Variants in ATP6V1A observed in about 807,000 individuals in gnomAD.
The protein encoded by ATP6V1A is ATPase H+ transporting V1 subunit A, also known as V-type proton ATPase catalytic subunit A.
A neutral mutation model predicts 70.1 loss-of-function variants in ATP6V1A; 18 were observed. The observed-to-expected ratio is 0.26, with a 90% confidence interval of 0.18 to 0.38. ATP6V1A has a LOEUF of 0.38. Among genes scored for constraint, ATP6V1A ranks in the 10% least tolerant of loss-of-function variants. ATP6V1A has a pLI of 1.00. For synonymous variants in ATP6V1A, 232 were observed against 253.8 expected (o/e 0.91, Z 0.82); for missense variants, 424 against 772.4 (o/e 0.55, Z 5.35).
At chr3:113,807,905 G>A (rs909784176) in intron 14 of ATP6V1A, among the ~76,000 whole-genome samples, 2 of 151,902 alleles carry the variant, frequency 1.3e-5, no homozygotes, top group South Asian at 2.1e-4. Context: ...AGGCCGAGGC[G>A]GGTGGATCAC....
At chr3:113,764,823 G>T (rs922610507) in intron 1 of ATP6V1A, among the ~76,000 whole-genome samples, 1 of 151,706 alleles carries the variant, frequency 6.6e-6, no homozygotes, top group Admixed American at 6.6e-5. Flanking sequence ...TGTAATCCCA[G>T]CACTGTAATC....
chr3:113,806,972 A>C lies in ATP6V1A; in HGVS notation c.1761+1447A>C, dbSNP rs1709281771. ...CTCTGAGTGTATATGTAATATAAAA[A>C]TTTTTAAATTATATATATATTTTGT... On this transcript the variant is annotated intron_variant, in intron 14 of 14. Transcript: ENST00000273398. 2.0e-5 allele frequency among the ~76,000 whole-genome samples: 3 copies of C among 152,002 alleles called. No homozygotes were observed. In the South Asian group the frequency reaches 6.2e-4, roughly 31 times the overall value.
intron 1 of ATP6V1A, among the ~76,000 whole-genome samples, chr3:113,769,931 A>G (rs1708816039): frequency 1.3e-5 from 2 of 152,228 alleles, no homozygotes; most frequent in African/African-American, 2.4e-5. Context: ...AAAACAGCTA[A>G]AGGCAACATT....
intron 1 of ATP6V1A, among the ~76,000 whole-genome samples, chr3:113,770,029 TTTTATTTATTTA>T (rs143157842): frequency 1.8e-3 from 261 of 147,798 alleles, no homozygotes; most frequent in Non-Finnish European, 2.8e-3. Context: ...GTATTCCTGC[TTTTATTTATTTA>T]TTTATTTATT....
chr3:113,801,436 A>C (rs2108042849), intron 12 of ATP6V1A, among the ~76,000 whole-genome samples: 1 of 152,326 alleles, frequency 6.6e-6, no homozygotes, highest in South Asian at 2.1e-4. Flanking sequence ...TTAAAATGTC[A>C]AATATTGCCC....
At chr3:113,795,485 CATA>C (rs1709144036) in intron 10 of ATP6V1A, among the ~76,000 whole-genome samples, 1 of 151,430 alleles carries the variant, frequency 6.6e-6, no homozygotes, top group Non-Finnish European at 1.5e-5. Flanking sequence ...AAATTATAGA[CATA>C]ATAAGGTGAG....
At chr3:113,758,276 G>A (rs2108010316) in intron 1 of ATP6V1A, among the ~76,000 whole-genome samples, 1 of 152,242 alleles carries the variant, frequency 6.6e-6, no homozygotes, top group African/African-American at 2.4e-5. Context: ...TAATTTTATT[G>A]ATATATAATT....
chr3:113,805,283 A>G (rs1559761698), intron 13 of ATP6V1A, 71 bp from the exon 14 acceptor site: 3 of 1,400,428 alleles, frequency 2.1e-6, no homozygotes, highest in Non-Finnish European at 3.0e-6. Context: ...ATGCTCTAGT[A>G]GTTTTATATA....
chr3:113,805,572 T>A, intron 14 of ATP6V1A, 47 bp downstream of exon 14: 6 of 1,535,698 alleles, frequency 3.9e-6, no homozygotes, highest in Non-Finnish European at 5.3e-6. Flanking sequence ...AAATGCTTCT[T>A]TTTTTCTTTT....
At chr3:113,747,996 CAT>C (rs758595468) in intron 1 of ATP6V1A, among the ~76,000 whole-genome samples, 1 of 152,300 alleles carries the variant, frequency 6.6e-6, no homozygotes, top group South Asian at 2.1e-4. Flanking sequence ...GCTGTCTGCA[CAT>C]GTTTTCTGCC....
At chr3:113,752,407 GTAAT>G (rs979539766) in intron 1 of ATP6V1A, among the ~76,000 whole-genome samples, 30 of 151,658 alleles carry the variant, frequency 2.0e-4, no homozygotes, top group Non-Finnish European at 3.5e-4. Flanking sequence ...ATCAAAATAA[GTAAT>G]TATCTCTAGA....
Position 113,766,292 on chromosome 3 carries a change from CTCTT to C in ATP6V1A, c.-13-12443_-13-12440del, listed in dbSNP as rs546505757. Among the ~76,000 whole-genome samples, 593 of 152,028 alleles carry C rather than the reference CTCTT, an allele frequency of 3.9e-3. 3 individuals carry two copies. Among genetic ancestry groups the C allele is most frequent in the Non-Finnish European group, 6.7e-3 (458 of 67,984 alleles). On this transcript the variant is annotated intron_variant, in intron 1 of 14. Transcript: ENST00000273398. The stretch of plus-strand genomic sequence containing the variant: ...AGATCATCTCTCTCTCTTTCTCTCT[CTCTT>C]TCTTTTTTTCGCTTCCCTTGAGACA...
chr3:113,778,067 A>C, intron 1 of ATP6V1A, among the ~76,000 whole-genome samples: 1 of 152,192 alleles, frequency 6.6e-6, no homozygotes. Flanking sequence ...ACCATCCAGC[A>C]TCCAGGAATA....
At chr3:113,755,741 C>T (rs988636578) in intron 1 of ATP6V1A, among the ~76,000 whole-genome samples, 1 of 152,164 alleles carries the variant, frequency 6.6e-6, no homozygotes, top group Admixed American at 6.5e-5. Context: ...ATGGGTAATA[C>T]ATGTACAAAT....
At chr3:113,763,069 A>G (rs1305647226) in intron 1 of ATP6V1A, among the ~76,000 whole-genome samples, 2 of 151,540 alleles carry the variant, frequency 1.3e-5, no homozygotes, top group Non-Finnish European at 2.9e-5. Context: ...GTCAATTAAC[A>G]TCTCTTTCCT....
intron 2 of ATP6V1A, among the ~76,000 whole-genome samples, chr3:113,780,074 G>A (rs1708961898): frequency 6.6e-6 from 1 of 152,040 alleles, no homozygotes; most frequent in African/African-American, 2.4e-5. Flanking sequence ...TGGAACAATG[G>A]CATCCTTTTT....
intron 1 of ATP6V1A, among the ~76,000 whole-genome samples, chr3:113,757,653 CTG>C (rs1708660348): frequency 6.6e-6 from 1 of 152,162 alleles, no homozygotes. Context: ...TATTAAGTGA[CTG>C]TGGAAATTCC....
chr3:113,803,512 T>G, intron 12 of ATP6V1A, 71 bp from the exon 13 acceptor site: 2 of 1,124,218 alleles, frequency 1.8e-6, no homozygotes, highest in Non-Finnish European at 2.6e-6. Context: ...TAGTTTCTGC[T>G]TGTTAATTAA....
chr3:113,755,234 A>G (rs1356499670), intron 1 of ATP6V1A, among the ~76,000 whole-genome samples: 1 of 152,104 alleles, frequency 6.6e-6, no homozygotes, highest in African/African-American at 2.4e-5. Context: ...AATAAGGATA[A>G]TAAGAGTATT....
Sources: allele counts gnomAD v4.1 joint callset (sites outside exome capture counted in the v4.1 genomes callset), GRCh38; gene constraint gnomAD v4.1.1; transcripts MANE v1.5; gene names NCBI Gene and HGNC (gene_info 2026-07-23, HGNC 2026-07-21).